MND1: variants seen among roughly 807,000 people sequenced by gnomAD.
The protein encoded by MND1 is meiotic nuclear division protein 1 homolog.
A neutral mutation model predicts 35.1 loss-of-function variants in MND1; 28 were observed. The ratio of observed to expected loss-of-function variants is 0.80; its 90% confidence interval spans 0.59 to 1.09. The LOEUF is 1.09. Among genes scored for constraint, MND1 ranks in the 50% least tolerant of loss-of-function variants. The pLI, the probability that MND1 is intolerant of heterozygous loss-of-function variation, is 0.00. For synonymous variants in MND1, 69 were observed against 70.5 expected (o/e 0.98, Z 0.11); for missense variants, 213 against 239.6 (o/e 0.89, Z 0.73).
chr4:153,355,942 C>T, intron 3 of MND1: 1 of 375,142 alleles, frequency 2.7e-6, no homozygotes. Flanking sequence ...ATATCCCTGT[C>T]ATTAAATATC....
chr4:153,393,370 T>C (rs1471534748), intron 4 of MND1, among the ~76,000 whole-genome samples: 2 of 107,612 alleles, frequency 1.9e-5, no homozygotes, highest in South Asian at 3.2e-4. Flanking sequence ...ATTTCTTTCT[T>C]TTTTTTTTTT....
intron 4 of MND1, among the ~76,000 whole-genome samples, chr4:153,365,702 C>T (rs576051443): frequency 6.6e-6 from 1 of 152,230 alleles, no homozygotes; most frequent in South Asian, 2.1e-4. Context: ...TGGGCTCAAG[C>T]AGTCCTCCCA....
At chr4:153,375,809 G>A (rs947328666) in intron 4 of MND1, among the ~76,000 whole-genome samples, 2 of 152,032 alleles carry the variant, frequency 1.3e-5, no homozygotes, top group African/African-American at 4.8e-5. Flanking sequence ...GTTGAATTTT[G>A]CTGAAAATAA....
intron 4 of MND1, among the ~76,000 whole-genome samples, chr4:153,359,962 T>C (rs1773440788): frequency 6.6e-6 from 1 of 151,980 alleles, no homozygotes; most frequent in African/African-American, 2.4e-5. Context: ...TAATTTTGTA[T>C]TTTTAGTAGA....
chr4:153,369,577 A>G (rs1773741071), intron 4 of MND1, among the ~76,000 whole-genome samples: 2 of 152,382 alleles, frequency 1.3e-5, no homozygotes, highest in Middle Eastern at 3.4e-3. Context: ...TAATTTAAAA[A>G]TACTTTATTG....
chr4:153,374,889 C>T (rs560630151), intron 4 of MND1, among the ~76,000 whole-genome samples: 7 of 152,038 alleles, frequency 4.6e-5, no homozygotes, highest in South Asian at 4.2e-4. Context: ...TTAACTTTGG[C>T]GGTTATTTTC....
chr4:153,404,560 C>T (rs569573830), intron 6 of MND1, among the ~76,000 whole-genome samples: 73 of 151,632 alleles, frequency 4.8e-4, no homozygotes, highest in Non-Finnish European at 8.7e-4. Context: ...CTACAACCTC[C>T]GCCTCCCTGG....
At chr4:153,375,124 T>A (rs1212368885) in intron 4 of MND1, among the ~76,000 whole-genome samples, 3 of 152,146 alleles carry the variant, frequency 2.0e-5, no homozygotes, top group Non-Finnish European at 4.4e-5. Context: ...GTTATACAAG[T>A]TTAAAGGATG....
At chr4:153,359,711 TA>T (rs149240028) in intron 4 of MND1, among the ~76,000 whole-genome samples, 2,057 of 151,308 alleles carry the variant, frequency 0.014, 26 homozygotes, top group South Asian at 0.048. Context: ...GCCATTCTAA[TA>T]GATGTGTAGT....
At chr4:153,386,240 C>T (rs1728859544) in intron 4 of MND1, among the ~76,000 whole-genome samples, 1 of 149,220 alleles carries the variant, frequency 6.7e-6, no homozygotes, top group African/African-American at 2.5e-5. Context: ...CCTGTTATCC[C>T]AGGACTTTGG....
intron 4 of MND1, among the ~76,000 whole-genome samples, chr4:153,391,613 G>A (rs950300933): frequency 6.6e-6 from 1 of 151,670 alleles, no homozygotes; most frequent in Non-Finnish European, 1.5e-5. Flanking sequence ...TGTAATCCCA[G>A]CTACTCCAGA....
rs150092352 is a variant in MND1 at position 153,358,983 on chromosome 4, C to T, written c.276+361C>T. 7.2e-5 allele frequency among the ~76,000 whole-genome samples: 11 copies of T among 152,274 alleles called. No individual in the cohort carries two copies. In the East Asian group the frequency reaches 2.1e-3, roughly 29 times the overall value. On this transcript the variant is annotated intron_variant, in intron 4 of 7. Coordinates refer to ENST00000240488, the MANE Select transcript of MND1 (RefSeq NM_032117.4). ...TCCCTCACCACGCACACAATTTTCC[C>T]TGTTATTGACATCCTATACTAGTGT...
At chr4:153,395,364 T>C (rs570208220) in intron 5 of MND1, among the ~76,000 whole-genome samples, 2 of 152,328 alleles carry the variant, frequency 1.3e-5, no homozygotes, top group African/African-American at 4.8e-5. Context: ...TGTCAGCCAG[T>C]CTACTGTTAA....
At chr4:153,363,017 A>C in intron 4 of MND1, 1 of 985,346 alleles carries the variant, frequency 1.0e-6, no homozygotes, top group Non-Finnish European at 1.2e-6. Flanking sequence ...CATGAAGTGC[A>C]AGATGGAGGT....
intron 4 of MND1, among the ~76,000 whole-genome samples, chr4:153,375,106 T>C (rs1728464310): frequency 6.6e-6 from 1 of 152,174 alleles, no homozygotes; most frequent in Non-Finnish European, 1.5e-5. Context: ...TTGCTATGGG[T>C]CCTAATTGTT....
chr4:153,363,212 TTC>T (rs1491331631), intron 4 of MND1, among the ~76,000 whole-genome samples: 1 of 111,356 alleles, frequency 9.0e-6, no homozygotes, highest in African/African-American at 5.1e-5. Flanking sequence ...CTGGGGATAG[TTC>T]TTTTTTTTTT....
intron 3 of MND1, among the ~76,000 whole-genome samples, chr4:153,356,419 G>A (rs1341532881): frequency 6.6e-6 from 1 of 151,940 alleles, no homozygotes; most frequent in Admixed American, 6.6e-5. Context: ...CGGGCGTGGT[G>A]GCAGGCGTCT....
intron 4 of MND1, among the ~76,000 whole-genome samples, chr4:153,388,960 G>A (rs969711696): frequency 5.3e-5 from 8 of 152,222 alleles, no homozygotes; most frequent in African/African-American, 1.7e-4. Context: ...TTCTTTCCCA[G>A]TGTGGCTGAA....
chr4:153,375,118 T>C (rs73854677), intron 4 of MND1, among the ~76,000 whole-genome samples: 1,579 of 152,300 alleles, frequency 0.01, 26 homozygotes, highest in African/African-American at 0.034. Flanking sequence ...CTAATTGTTA[T>C]ACAAGTTTAA....
Sources: allele counts gnomAD v4.1 joint callset (sites outside exome capture counted in the v4.1 genomes callset), GRCh38; gene constraint gnomAD v4.1.1; transcripts MANE v1.5; gene names NCBI Gene and HGNC (gene_info 2026-07-23, HGNC 2026-07-21).